Variants in CNGA1 observed in about 807,000 individuals in gnomAD.
CNGA1 encodes cyclic nucleotide-gated channel alpha-1.
A neutral mutation model predicts 69.7 loss-of-function variants in CNGA1; 53 were observed. That is an observed-to-expected ratio of 0.76 (90% CI 0.61 to 0.96). The LOEUF (loss-of-function observed/expected upper bound fraction) is 0.96. Among genes scored for constraint, CNGA1 ranks in the 40% least tolerant of loss-of-function variants. CNGA1 has a pLI of 0.00. For synonymous variants in CNGA1, 249 were observed against 283.5 expected (o/e 0.88, Z 1.22); for missense variants, 739 against 811.2 (o/e 0.91, Z 1.08).
chr4:47,978,150 TG>T (rs1333129553), intron 3 of CNGA1, among the ~76,000 whole-genome samples: 1 of 152,142 alleles, frequency 6.6e-6, no homozygotes, highest in African/African-American at 2.4e-5. Context: ...TCCTATTTAA[TG>T]ATTATTTATT....
chr4:47,939,232 TC>T (rs1738918690), intron 10 of CNGA1, among the ~76,000 whole-genome samples: 1 of 152,122 alleles, frequency 6.6e-6, no homozygotes, highest in African/African-American at 2.4e-5. Context: ...GAGTTAATAG[TC>T]CATCATGCCT....
intron 3 of CNGA1, among the ~76,000 whole-genome samples, chr4:47,978,220 C>CAAGT (rs1741518653): frequency 6.6e-6 from 1 of 152,076 alleles, no homozygotes; most frequent in Non-Finnish European, 1.5e-5. Context: ...ATAATTTTAT[C>CAAGT]AAGTCCCCTA....
At position 47,936,597 on chromosome 4, in the gene CNGA1, ACC is replaced by A; in HGVS notation, c.1883_1884del (p.Gly628ValfsTer15). ...AACCTGGTTTGCAGGAGGTCTACTG[ACC>A]CCTCCATTCGAGTAACCTTCTCTTC... ...DLEEKVTRMEGSVDLLQTRFA... is the reference protein window; with the variant it reads ...DLEEKVTRMEXSVDLLQTRFA... On this transcript the variant is annotated frameshift_variant, in exon 11 of 11. Transcript: ENST00000514170. LOFTEE classifies it high-confidence loss of function. The A allele has an allele frequency of 6.2e-7, 1 of 1,613,888 alleles. No homozygotes were observed. The highest frequency in any genetic ancestry group is 8.5e-7 in the Non-Finnish European group (1 of 1,179,984).
At chr4:47,959,161 G>A (rs984153534) in intron 3 of CNGA1, 46 of 152,226 alleles carry the variant, frequency 3.0e-4, no homozygotes, top group African/African-American at 1.0e-3. Flanking sequence ...TGGGGAGAGA[G>A]TTGGTGGCAA....
At chr4:47,988,164 A>T (rs1742070203) in intron 2 of CNGA1, among the ~76,000 whole-genome samples, 1 of 152,124 alleles carries the variant, frequency 6.6e-6, no homozygotes, top group Admixed American at 6.6e-5. Flanking sequence ...TGTGTGTGAA[A>T]CAGTGAAGTC....
intron 2 of CNGA1, among the ~76,000 whole-genome samples, chr4:47,988,564 C>G (rs1443016945): frequency 6.6e-6 from 1 of 152,140 alleles, no homozygotes; most frequent in Non-Finnish European, 1.5e-5. Flanking sequence ...CTGCCTTCCA[C>G]AGCTCTTTGA....
Position 47,936,498 on chromosome 4 carries a change from GA to G in CNGA1, c.1983del (p.Leu662Ter), listed in dbSNP as rs1228889892. On this transcript the variant is annotated frameshift_variant, in exon 11 of 11. Transcript: ENST00000514170. LOFTEE classifies it high-confidence loss of function. ...AATTCTGTGTCAATAAGCGGTTTCA[GA>G]AATTTCTCAACCTTGGTTAATCTTT... ...LKQRLTKVEK[F>X]LKPLIDTEFS... 6.2e-7 allele frequency: 1 copy of G among 1,614,156 alleles called. No individual in the cohort carries two copies. Among genetic ancestry groups the G allele is most frequent in the Admixed American group, 1.7e-5 (1 of 60,012 alleles).
rs182600495 is a variant in CNGA1 at position 47,986,678 on chromosome 4, C to T, written c.-122-5178G>A. Among the ~76,000 whole-genome samples the T allele has an allele frequency of 3.3e-5, 5 of 151,786 alleles. No individual in the cohort carries two copies. The East Asian group carries it at 7.8e-4, about 24-fold the overall frequency. ...CTACGGTGTGCTGGGCACTTTTCTA[C>T]GAGGCACAAAGAAAAGTTCCTTCCT... On this transcript the variant is annotated intron_variant, in intron 2 of 10. Coordinates refer to ENST00000514170, the MANE Select transcript of CNGA1 (RefSeq NM_001379270.1).
Position 47,943,213 on chromosome 4 carries a change from C to T in CNGA1, c.405G>A (p.Lys135=). ...TCTTATCTTTGCTTTTCTCCTCTTT[C>T]TTTTTCTTCTCTTTGTCCTTTTTCT... The part of the protein sequence containing the change: ...KKKKKDKEKK[K]KEEKSKDKKE... Residue 135 remains lysine (K), a synonymous_variant, in exon 8 of 11, where the codon AAG becomes AAA. Coordinates refer to ENST00000514170, the MANE Select transcript of CNGA1 (RefSeq NM_001379270.1). 2 of 1,607,538 alleles carry T rather than the reference C, an allele frequency of 1.2e-6. No homozygotes were observed. The highest frequency in any genetic ancestry group is 2.2e-5 in the East Asian group (1 of 44,714).
chr4:47,984,834 G>A (rs184558673), intron 2 of CNGA1, among the ~76,000 whole-genome samples: 3 of 152,112 alleles, frequency 2.0e-5, no homozygotes, highest in African/African-American at 7.2e-5. Context: ...ATTGCTTCTT[G>A]GGGAGTTAAG....
intron 3 of CNGA1, among the ~76,000 whole-genome samples, chr4:47,954,834 G>C (rs1739966022): frequency 6.6e-6 from 1 of 152,204 alleles, no homozygotes; most frequent in Admixed American, 6.5e-5. Flanking sequence ...GGCCCTCTGG[G>C]TGTAGGTGGA....
intron 2 of CNGA1, among the ~76,000 whole-genome samples, chr4:48,000,951 C>T (rs1714642236): frequency 6.6e-6 from 1 of 152,158 alleles, no homozygotes; most frequent in African/African-American, 2.4e-5. Flanking sequence ...AGCAAATCTA[C>T]ATTATAGGAA....
At chr4:47,978,046 G>A (rs1381290188) in intron 3 of CNGA1, among the ~76,000 whole-genome samples, 1 of 151,992 alleles carries the variant, frequency 6.6e-6, no homozygotes, top group Admixed American at 6.6e-5. Context: ...GGCTGGTCTC[G>A]AACTCCTGAC....
At chr4:47,942,861 C>A in intron 8 of CNGA1, 1 of 200,190 alleles carries the variant, frequency 5.0e-6, no homozygotes, top group Non-Finnish European at 1.0e-5. Context: ...GAAACCTAAT[C>A]CTCCTTGGAA....
chr4:48,001,217 G>A (rs532337421), intron 2 of CNGA1, among the ~76,000 whole-genome samples: 1 of 152,324 alleles, frequency 6.6e-6, no homozygotes, highest in East Asian at 1.9e-4. Context: ...TGTAATCCCA[G>A]CACTTTGAAA....
At chr4:48,016,308 G>C (rs887498873) in intron 1 of CNGA1, among the ~76,000 whole-genome samples, 175 bp downstream of exon 1, 2 of 152,120 alleles carry the variant, frequency 1.3e-5, no homozygotes, top group African/African-American at 2.4e-5. Context: ...AAATAAACTT[G>C]AGCCTGGCAA....
chr4:47,974,068 C>A (rs9997384), intron 3 of CNGA1, among the ~76,000 whole-genome samples: 1,836 of 138,028 alleles, frequency 0.013, 11 homozygotes, highest in East Asian at 0.036. Context: ...AACCTGGTCT[C>A]TAGATAGATA....
chr4:47,977,847 A>G (rs969404672), intron 3 of CNGA1, among the ~76,000 whole-genome samples: 1 of 149,434 alleles, frequency 6.7e-6, no homozygotes, highest in African/African-American at 2.5e-5. Flanking sequence ...TTTTCTTGAG[A>G]CAGAGTTTCA....
chr4:47,959,015 T>G (rs1215293289), intron 3 of CNGA1: 1 of 152,248 alleles, frequency 6.6e-6, no homozygotes, highest in African/African-American at 2.4e-5. Flanking sequence ...TTACTTTGAT[T>G]GTTTATAGAG....
Sources: gnomAD v4.1 joint callset for allele counts (sites outside exome capture counted in the v4.1 genomes callset) on GRCh38, gnomAD v4.1.1 for gene constraint, MANE v1.5 for transcripts, NCBI Gene and HGNC (gene_info 2026-07-23, HGNC 2026-07-21) for gene names.